PIEZO2: variants seen among roughly 807,000 people sequenced by gnomAD.
PIEZO2 encodes the protein piezo type mechanosensitive ion channel component 2.
In PIEZO2, 172 loss-of-function variants were observed where a neutral mutation model predicts 337.3. That is an observed-to-expected ratio of 0.51 (90% CI 0.45 to 0.58). The LOEUF is 0.58. Ranked by LOEUF, PIEZO2 falls within the 20% of genes least tolerant of loss-of-function variation. The pLI is 0.00. For synonymous variants in PIEZO2, 1,251 were observed against 1,228.5 expected (o/e 1.02, Z -0.38); for missense variants, 3,028 against 3,391.3 (o/e 0.89, Z 2.66).
Position 10,697,783 on chromosome 18 carries a change from T to G in PIEZO2, c.6792A>C (p.Glu2264Asp). ...TAAAGGCTTTTGCTTTGATTAAATGTTCTTGAAGCTTTTCCATATAAAGTT... is the reference window on the plus strand; with the variant it reads ...TAAAGGCTTTTGCTTTGATTAAATGGTCTTGAAGCTTTTCCATATAAAGTT... Reference protein sequence around the residue: ...KRELYMEKLQEHLIKAKAFTI... With the variant: ...KRELYMEKLQDHLIKAKAFTI... Residue 2264 changes from glutamate to aspartate, a missense_variant, in exon 45 of 56, where the codon GAA (glutamate) becomes GAC (aspartate). This residue lies in a region of PIEZO2 where 1,925 missense variants were observed against 2,051.9 expected (regional missense o/e 0.94). Transcript: ENST00000674853. 1.2e-6 allele frequency: 2 copies of G among 1,614,218 alleles called. No individual in the cohort carries two copies. The highest frequency in any genetic ancestry group is 1.7e-6 in the Non-Finnish European group (2 of 1,180,034).
rs1436519400 is a variant in PIEZO2 at position 10,742,476 on chromosome 18, G to A, written c.4636+18C>T. 2 of 1,536,954 alleles carry A rather than the reference G, an allele frequency of 1.3e-6. No homozygotes were observed. Among genetic ancestry groups the A allele is most frequent in the Non-Finnish European group, 1.7e-6 (2 of 1,146,770 alleles). On this transcript the variant is annotated intron_variant, in intron 32 of 55. Transcript: ENST00000674853. ...TTCAATGTTAAAACTTGAATAAGAG[G>A]AAAATGTCTTGACATACTTTCATCA...
intron 21 of PIEZO2, among the ~76,000 whole-genome samples, chr18:10,763,880 G>C (rs1426432961): frequency 6.6e-6 from 1 of 152,192 alleles, no homozygotes; most frequent in East Asian, 1.9e-4. Flanking sequence ...AAATTAGCTG[G>C]ACTTGATGAC....
chr18:11,074,228 C>T (rs537634792), intron 1 of PIEZO2, among the ~76,000 whole-genome samples: 1 of 152,084 alleles, frequency 6.6e-6, no homozygotes, highest in Non-Finnish European at 1.5e-5. Context: ...CTTTTCATAA[C>T]GAGCGACCAT....
At position 10,726,151 on chromosome 18, in the gene PIEZO2, G is replaced by C. The variant is rs551451752; in HGVS notation, c.5029+5256C>G. Among the ~76,000 whole-genome samples, 555 of 152,176 alleles carry C rather than the reference G, an allele frequency of 3.6e-3. 1 individual carries two copies. The highest frequency in any genetic ancestry group is 6.6e-3 in the Non-Finnish European group (450 of 67,988). Reference sequence around the variant, plus strand: ...TGGGTGTAGGGTGGTGGGGGGATGGGTGGGAGAGGATTCATATATGTGAGC... The same window carrying C: ...TGGGTGTAGGGTGGTGGGGGGATGGCTGGGAGAGGATTCATATATGTGAGC... On this transcript the variant is annotated intron_variant, in intron 36 of 55. Transcript: ENST00000674853. The surrounding 1 kb of genome is among the most constrained non-coding windows in gnomAD (Gnocchi z 5.9).
intron 5 of PIEZO2, among the ~76,000 whole-genome samples, chr18:10,864,955 C>T (rs924916626): frequency 3.3e-5 from 5 of 152,054 alleles, no homozygotes; most frequent in Non-Finnish European, 5.9e-5. Context: ...AGCAGAGCCC[C>T]GGAAAGACAA....
In PIEZO2 at chr18:10,757,974, G is replaced by T; in HGVS notation, c.3918C>A (p.His1306Gln). Residue 1306 changes from histidine (H) to glutamine (Q), a missense_variant, in exon 27 of 56, where the codon CAC (histidine) becomes CAA (glutamine). By Grantham distance (24) the His-to-Gln change is conservative (BLOSUM62 0). This residue lies in a region of PIEZO2 where 1,925 missense variants were observed against 2,051.9 expected (regional missense o/e 0.94). Transcript: ENST00000674853. The part of the protein sequence containing the change: ...SQHNPVPDFI[H>Q]CRSYLDMSKV... ...AAATGTGAAGCTCTTGTTACCTGCA[G>T]TGAATAAAATCTGGCACAGGGTTAT... 6.5e-7 allele frequency: 1 copy of T among 1,535,032 alleles called. No homozygotes were observed. The highest frequency in any genetic ancestry group is 8.7e-7 in the Non-Finnish European group (1 of 1,145,872).
intron 33 of PIEZO2, chr18:10,738,688 C>T (rs2037107296): frequency 6.6e-6 from 1 of 152,176 alleles, no homozygotes; most frequent in South Asian, 2.1e-4. Context: ...TGCTAAATTA[C>T]TAAGTTGGAA....
chr18:10,892,284 A>C (rs1241324595), intron 4 of PIEZO2, among the ~76,000 whole-genome samples: 1 of 152,184 alleles, frequency 6.6e-6, no homozygotes, highest in Non-Finnish European at 1.5e-5. Context: ...TTTATAAATA[A>C]AAATTAATTA....
Position 11,148,433 on chromosome 18 carries a change from A to G in PIEZO2, c.64+92T>C. The G allele has an allele frequency of 7.2e-7, 1 of 1,397,318 alleles. No individual in the cohort carries two copies. 86.6% of individuals were successfully genotyped at this position (1,397,318 alleles called of 1,614,324 possible). A position where few individuals can be genotyped will look rare whatever the true frequency, so the allele number is the denominator to read the frequency against. On this transcript the variant is annotated intron_variant, in intron 1 of 55. Coordinates refer to ENST00000674853, the MANE Select transcript of PIEZO2 (RefSeq NM_001378183.1). The surrounding 1 kb of genome is among the most constrained non-coding windows in gnomAD (Gnocchi z 5.2). ...GCTGGCCTCCCGAATCGAACCCCAG[A>G]GCACCAGAGCCCTTCACTTTGTTAA...
At chr18:10,685,688 C>A (rs2034517588) in intron 49 of PIEZO2, among the ~76,000 whole-genome samples, 1 of 152,194 alleles carries the variant, frequency 6.6e-6, no homozygotes, top group South Asian at 2.1e-4. Flanking sequence ...TGGGTGGGAT[C>A]ATTCAGGGGC....
rs2033452779 is a variant in PIEZO2 at position 10,954,939 on chromosome 18, T to G, written c.286+24596A>C. ...GTTCATTAAAATTATTCTTGCACTT[T>G]AGATAATACATCAAAAATTGCTGCC... On this transcript the variant is annotated intron_variant, in intron 3 of 55. Coordinates refer to ENST00000674853, the MANE Select transcript of PIEZO2 (RefSeq NM_001378183.1). This position sits in a 1 kb window ranked among gnomAD's most constrained non-coding sequence, Gnocchi z 4.2. Among the ~76,000 whole-genome samples, 1 of 152,148 alleles carries G rather than the reference T, an allele frequency of 6.6e-6. No homozygotes were observed.
chr18:10,694,131 A>G (rs2034982241), intron 47 of PIEZO2, among the ~76,000 whole-genome samples: 2 of 152,000 alleles, frequency 1.3e-5, no homozygotes, highest in South Asian at 4.1e-4. Flanking sequence ...TTCCTTTAAA[A>G]ATATCTGCAT....
chr18:11,118,462 T>A (rs1171534176), intron 1 of PIEZO2, among the ~76,000 whole-genome samples: 1 of 152,176 alleles, frequency 6.6e-6, no homozygotes. Context: ...CCAAGCAGCA[T>A]CAGAACATTA....
In PIEZO2 at chr18:10,821,016, C is replaced by A. The variant is rs957659280; in HGVS notation, c.918-13742G>T. Reference sequence around the variant, plus strand: ...CTTTGTCTGACTTCATGGAGTCTTACCTATGCATGCACAGCTTAGAATTCA... The same window carrying A: ...CTTTGTCTGACTTCATGGAGTCTTAACTATGCATGCACAGCTTAGAATTCA... On this transcript the variant is annotated intron_variant, in intron 7 of 55. Transcript: ENST00000674853. The surrounding 1 kb of genome is among the most constrained non-coding windows in gnomAD (Gnocchi z 4.2). Among the ~76,000 whole-genome samples the A allele has an allele frequency of 6.6e-6, 1 of 152,138 alleles. No homozygotes were observed. Among genetic ancestry groups the A allele is most frequent in the Non-Finnish European group, 1.5e-5 (1 of 68,022 alleles).
intron 15 of PIEZO2, among the ~76,000 whole-genome samples, chr18:10,787,996 T>C (rs927950534): frequency 2.0e-5 from 3 of 152,212 alleles, no homozygotes; most frequent in African/African-American, 7.2e-5. Context: ...AGCAGGCACA[T>C]GCCACACATA....
At chr18:10,752,521 T>C in intron 28 of PIEZO2, 115 bp downstream of exon 28, 1 of 1,248,312 alleles carries the variant, frequency 8.0e-7, no homozygotes, top group Non-Finnish European at 1.1e-6. Context: ...TGCAGCATCT[T>C]ATTGGGGCTT....
intron 1 of PIEZO2, among the ~76,000 whole-genome samples, chr18:11,117,101 G>A (rs993273756): frequency 6.6e-6 from 1 of 152,064 alleles, no homozygotes; most frequent in African/African-American, 2.4e-5. Flanking sequence ...GCAAGATTCT[G>A]TCCCCCCCAC....
At position 11,110,558 on chromosome 18, in the gene PIEZO2, G is replaced by T. The variant is rs1243080181; in HGVS notation, c.64+37967C>A. Among the ~76,000 whole-genome samples, 9 of 152,224 alleles carry T rather than the reference G, an allele frequency of 5.9e-5. No homozygotes were observed. The highest frequency in any genetic ancestry group is 1.2e-4 in the Non-Finnish European group (8 of 68,038). On this transcript the variant is annotated intron_variant, in intron 1 of 55. Coordinates refer to ENST00000674853, the MANE Select transcript of PIEZO2 (RefSeq NM_001378183.1). This position sits in a 1 kb window ranked among gnomAD's most constrained non-coding sequence, Gnocchi z 4.2. ...AACAAAGACACAGCAGAGCGGGGGA[G>T]TGGGAGCTGCCACATAACGGTTCCT...
chr18:11,054,002 C>T (rs1032172588), intron 2 of PIEZO2, among the ~76,000 whole-genome samples: 7 of 152,094 alleles, frequency 4.6e-5, no homozygotes, highest in African/African-American at 1.2e-4. Context: ...CCAGCCTGGG[C>T]GACAGAGTGA....
Sources: allele counts gnomAD v4.1 joint callset (sites outside exome capture counted in the v4.1 genomes callset), GRCh38; gene constraint gnomAD v4.1.1; regional missense constraint gnomAD v4.1.1; non-coding constraint Gnocchi (gnomAD v3.1); transcripts MANE v1.5; gene names NCBI Gene and HGNC (gene_info 2026-07-23, HGNC 2026-07-21).